CCT8: variants seen among roughly 807,000 people sequenced by gnomAD.
The protein encoded by CCT8 is chaperonin containing TCP1 subunit 8.
In CCT8, 10 loss-of-function variants were observed where a neutral mutation model predicts 65.7. The observed-to-expected ratio is 0.15, with a 90% confidence interval of 0.09 to 0.26. The LOEUF (loss-of-function observed/expected upper bound fraction) is 0.26, where lower values mean the gene tolerates loss of function less well. Ranked by LOEUF, CCT8 falls within the 10% of genes least tolerant of loss-of-function variation. The pLI, the probability that CCT8 is intolerant of heterozygous loss-of-function variation, is 1.00. For synonymous variants in CCT8, 199 were observed against 221.8 expected (o/e 0.90, Z 0.92); for missense variants, 568 against 669.1 (o/e 0.85, Z 1.67).
chr21:29,068,553 A>G (rs1372113713), intron 3 of CCT8, among the ~76,000 whole-genome samples: 2 of 151,950 alleles, frequency 1.3e-5, no homozygotes, highest in African/African-American at 2.4e-5. Context: ...TCCGCCTCCC[A>G]GGTTCAAGCA....
In CCT8 at chr21:29,070,263, T is replaced by C; in HGVS notation, c.135A>G (p.Thr45=). 1 of 1,604,176 alleles carries C rather than the reference T, an allele frequency of 6.2e-7. No individual in the cohort carries two copies. Among genetic ancestry groups the C allele is most frequent in the South Asian group, 1.1e-5 (1 of 90,708 alleles). ...AGAAATTACCATTTGGTCCATATGC[T>C]GTACGAGTGGTTTGGGCAAGCTCCT... ...ACKELAQTTR[T]AYGPNGMNKM... is the part of the protein sequence containing the mutation. The change falls in exon 2 of 15, where the codon ACA becomes ACG. Residue 45 remains threonine (T), a synonymous_variant. Coordinates refer to ENST00000286788, the MANE Select transcript of CCT8 (RefSeq NM_006585.4).
intron 8 of CCT8, chr21:29,062,883 G>GC: frequency 5.4e-6 from 2 of 367,464 alleles, no homozygotes; most frequent in East Asian, 1.1e-4. Flanking sequence ...AAACTCAACA[G>GC]CATATAGAAA....
chr21:29,065,207 A>T, intron 6 of CCT8, 102 bp from the exon 7 acceptor site: 1 of 1,259,640 alleles, frequency 7.9e-7, no homozygotes, highest in Non-Finnish European at 1.1e-6. Context: ...TCTAAAATAA[A>T]GTCATAAACC....
chr21:29,057,589 G>A (rs1269593066), intron 14 of CCT8, among the ~76,000 whole-genome samples: 1 of 100,294 alleles, frequency 1.0e-5, no homozygotes, highest in African/African-American at 2.8e-5. Context: ...AACAAAGTGA[G>A]ACCTAGTCTA....
intron 4 of CCT8, 140 bp from the exon 5 acceptor site, chr21:29,067,211 G>C: frequency 5.1e-6 from 3 of 590,442 alleles, no homozygotes; most frequent in Non-Finnish European, 8.4e-6. Context: ...GACTCTACTA[G>C]TTATGAATGG....
chr21:29,062,738 C>CT, intron 8 of CCT8, 182 bp from the exon 9 acceptor site: 4 of 608,736 alleles, frequency 6.6e-6, no homozygotes, highest in Non-Finnish European at 8.7e-6. Flanking sequence ...TCCTGACTCT[C>CT]TGAGTGAGTC....
chr21:29,058,426 C>G (rs1158682695), intron 14 of CCT8, among the ~76,000 whole-genome samples: 2 of 151,774 alleles, frequency 1.3e-5, no homozygotes, highest in African/African-American at 4.8e-5. Context: ...GGTGACAGAG[C>G]AAGACTCCAT....
intron 6 of CCT8, 60 bp downstream of exon 6, chr21:29,066,652 AAAAC>A (rs1404945852): frequency 6.2e-6 from 7 of 1,121,874 alleles, no homozygotes; most frequent in Non-Finnish European, 6.4e-6. Context: ...TTTGCACAAA[AAAAC>A]AAAAAAAGCA....
chr21:29,063,362 T>C lies in CCT8; in HGVS notation c.931A>G (p.Met311Val). ...TCGGCTTTTTCTTACCTCACTAACA[T>C]GATATTATATTTATTTGCATAATGA... is the stretch of plus-strand genomic sequence containing the variant. ...ALHYANKYNI[M>V]LVRLNSKWDL... The change falls in exon 8 of 15, where the codon ATG becomes GTG. Residue 311 changes from methionine to valine, a missense_variant. Coordinates refer to ENST00000286788, the MANE Select transcript of CCT8 (RefSeq NM_006585.4). 1 of 1,611,796 alleles carries C rather than the reference T, an allele frequency of 6.2e-7. No individual in the cohort carries two copies. The highest frequency in any genetic ancestry group is 2.2e-5 in the East Asian group (1 of 44,870).
intron 8 of CCT8, chr21:29,062,864 A>C: frequency 2.5e-6 from 1 of 397,624 alleles, no homozygotes; most frequent in Non-Finnish European, 4.5e-6. Flanking sequence ...CACCAGAGAA[A>C]CCCTTACAAA....
At chr21:29,061,891 A>AT (rs1369349640) in intron 11 of CCT8, among the ~76,000 whole-genome samples, 3 of 152,112 alleles carry the variant, frequency 2.0e-5, no homozygotes, top group East Asian at 1.9e-4. Flanking sequence ...ACGATAAACA[A>AT]TTTTTTTTAA....
rs769948169 is a variant in CCT8, at chr21:29,062,178, T to C, written c.1162A>G (p.Ile388Val). 1.2e-6 allele frequency: 2 copies of C among 1,613,608 alleles called. No individual in the cohort carries two copies. The highest frequency in any genetic ancestry group is 1.7e-4 in the Middle Eastern group (1 of 5,726). Reference protein sequence around the residue: ...RGSTDNLMDDIERAVDDGVNT... With the variant: ...RGSTDNLMDDVERAVDDGVNT... ...ACACCATCGTCTACTGCCCTTTCTA[T>C]GTCATCCATCAGATTGTCTGTAGAG... Residue 388 changes from isoleucine to valine, a missense_variant, in exon 11 of 15, where the codon ATA becomes GTA. Coordinates refer to ENST00000286788, the MANE Select transcript of CCT8 (RefSeq NM_006585.4).
intron 4 of CCT8, 140 bp downstream of exon 4, chr21:29,067,416 T>C: frequency 3.6e-6 from 2 of 550,190 alleles, no homozygotes; most frequent in Non-Finnish European, 5.9e-6. Context: ...ATGTGAAGCA[T>C]ATGTACTATA....
At chr21:29,073,389 C>T in intron 1 of CCT8, 142 bp downstream of exon 1, 1 of 1,480,672 alleles carries the variant, frequency 6.8e-7, no homozygotes, top group Admixed American at 2.4e-5. Context: ...TCCAAAATCA[C>T]CTCCCTTTCT....
At position 29,061,439 on chromosome 21, in the gene CCT8, T is replaced by C. The variant is rs779586870; in HGVS notation, c.1285-22A>G. On this transcript the variant is annotated intron_variant, in intron 12 of 14. Transcript: ENST00000286788. ...ATGTCTAAAACAAAAATGCGTTAAT[T>C]ACTGTCTTTTATTCAAGCAATGGAA... 5.0e-6 allele frequency: 8 copies of C among 1,613,708 alleles called. No individual in the cohort carries two copies. In the Admixed American group the frequency reaches 5.0e-5, roughly 10 times the overall value.
chr21:29,058,643 G>A (rs2146420049), intron 14 of CCT8, among the ~76,000 whole-genome samples: 2 of 147,328 alleles, frequency 1.4e-5, no homozygotes, highest in South Asian at 4.3e-4. Flanking sequence ...CCAGGCTGGA[G>A]TACAGTGGTG....
At chr21:29,060,315 A>G (rs1188460005) in intron 14 of CCT8, among the ~76,000 whole-genome samples, 1 of 152,068 alleles carries the variant, frequency 6.6e-6, no homozygotes, top group Non-Finnish European at 1.5e-5. Flanking sequence ...TTACTCTCTA[A>G]ATTATTTGTA....
chr21:29,057,746 T>TAC (rs1311092274), intron 14 of CCT8, among the ~76,000 whole-genome samples: 2 of 90,832 alleles, frequency 2.2e-5, no homozygotes, highest in Non-Finnish European at 6.5e-5. Context: ...ATATATATCA[T>TAC]GTATATGTAT....
In CCT8 at chr21:29,063,369, A is replaced by C; in HGVS notation, c.924T>G (p.Tyr308Ter). Residue 308 changes from tyrosine to a stop codon, truncating the protein, a stop_gained, in exon 8 of 15, where the codon TAT becomes TAG. Transcript: ENST00000286788. LOFTEE classifies it high-confidence loss of function. ...ADMALHYANKYNIMLVRLNSK... is the reference protein window; with the variant it reads ...ADMALHYANK ...TTTCTTACCTCACTAACATGATATT[A>C]TATTTATTTGCATAATGAAGAGCCA... The C allele has an allele frequency of 6.2e-7, 1 of 1,613,074 alleles. No homozygotes were observed.
Sources: gnomAD v4.1 joint callset for allele counts (sites outside exome capture counted in the v4.1 genomes callset) on GRCh38, gnomAD v4.1.1 for gene constraint, MANE v1.5 for transcripts, NCBI Gene and HGNC (gene_info 2026-07-23, HGNC 2026-07-21) for gene names.